Variants in IL12RB2 observed in about 807,000 individuals in gnomAD.
The protein encoded by IL12RB2 is interleukin 12 receptor subunit beta 2.
In IL12RB2, 82 loss-of-function variants were observed where a neutral mutation model predicts 89.4. The observed-to-expected ratio is 0.92, with a 90% CI of 0.77 to 1.10. The LOEUF (loss-of-function observed/expected upper bound fraction) is 1.10, where lower values mean the gene tolerates loss of function less well. Among genes scored for constraint, IL12RB2 ranks in the 50% least tolerant of loss-of-function variants. The probability of loss-of-function intolerance (pLI) is 0.00; values close to 1 mark genes in which losing one functional copy is unlikely to be tolerated. For synonymous variants in IL12RB2, 368 were observed against 370.1 expected, an observed-to-expected ratio of 0.99 and a Z score of 0.07; for missense variants, 963 against 1,031.9, an observed-to-expected ratio of 0.93 and a Z score of 0.92.
At position 67,367,942 on chromosome 1, in the gene IL12RB2, G is replaced by A. The variant is rs1340467783; in HGVS notation, c.1376G>A (p.Arg459Lys). The change falls in exon 11 of 17, where the codon AGA becomes AAA. Residue 459 changes from arginine (R) to lysine (K), a missense_variant. Arg to Lys is a conservative substitution (Grantham distance 26). Transcript: ENST00000674203. ...SAVQEYVVEW[R>K]ELHPGGDTQV... Reference sequence around the variant, plus strand: ...GTTCAGGAGTACGTGGTGGAATGGAGAGAGCTCCATCCAGGGGGTGACACA... The same window carrying A: ...GTTCAGGAGTACGTGGTGGAATGGAAAGAGCTCCATCCAGGGGGTGACACA... 6.2e-7 allele frequency: 1 copy of A among 1,609,414 alleles called. No homozygotes were observed. The highest frequency in any genetic ancestry group is 8.5e-7 in the Non-Finnish European group (1 of 1,175,658).
chr1:67,375,746 A>T (rs1663890827), intron 13 of IL12RB2, among the ~76,000 whole-genome samples: 2 of 152,068 alleles, frequency 1.3e-5, no homozygotes, highest in South Asian at 2.1e-4. Flanking sequence ...GTAATGAGTT[A>T]TATGGGTGGT....
chr1:67,387,859 G>A (rs1257506638), intron 15 of IL12RB2, among the ~76,000 whole-genome samples: 1 of 151,970 alleles, frequency 6.6e-6, no homozygotes, highest in Non-Finnish European at 1.5e-5. Flanking sequence ...ATTAAATTTG[G>A]TTATATATAA....
intron 5 of IL12RB2, among the ~76,000 whole-genome samples, chr1:67,327,177 T>C (rs1413254152): frequency 6.6e-6 from 1 of 151,962 alleles, no homozygotes; most frequent in Non-Finnish European, 1.5e-5. Flanking sequence ...GCCAGGATGG[T>C]CTCGATCTCT....
chr1:67,316,421 A>AGTGTGTGTGTGTGTGTGT lies in IL12RB2; in HGVS notation c.-37+2436_-37+2453dup, dbSNP rs71062410. Among the ~76,000 whole-genome samples the AGTGTGTGTGTGTGTGTGT allele has an allele frequency of 3.0e-3, 445 of 146,242 alleles. 3 individuals are homozygous for AGTGTGTGTGTGTGTGTGT. The highest frequency in any genetic ancestry group is 0.013 in the Admixed American group (183 of 14,578). On this transcript the variant is annotated intron_variant, in intron 2 of 16. Coordinates refer to ENST00000674203, the MANE Select transcript of IL12RB2 (RefSeq NM_001374259.2). ...CTGCATCCACCCTAGTCCCCAGAGT[A>AGTGTGTGTGTGTGTGTGT]GTGTGTGTGTGTGTGTGTGTGTGTG...
rs1477639696 is a variant in IL12RB2, at chr1:67,397,457, C to T, written c.*1368C>T. Among the ~76,000 whole-genome samples, 1 of 152,194 alleles carries T rather than the reference C, an allele frequency of 6.6e-6. No individual in the cohort carries two copies. Among genetic ancestry groups the T allele is most frequent in the Non-Finnish European group, 1.5e-5 (1 of 68,026 alleles). ...CTCAGAAGTGGTCTGTCCCCTGTTC[C>T]CAAAGGCACAGCTTTCATTCCCGGA... On this transcript the variant is annotated 3_prime_UTR_variant, in exon 17 of 17. Transcript: ENST00000674203.
chr1:67,386,430 A>G, intron 14 of IL12RB2, 149 bp from the exon 15 acceptor site: 1 of 705,238 alleles, frequency 1.4e-6, no homozygotes, highest in Non-Finnish European at 2.6e-6. Context: ...CATTTCCCGC[A>G]CTGCATAGAC....
chr1:67,379,839 G>C (rs546275348), intron 13 of IL12RB2, 147 bp from the exon 14 acceptor site: 1 of 678,436 alleles, frequency 1.5e-6, no homozygotes, highest in East Asian at 2.7e-5. Flanking sequence ...AAGGTATTAA[G>C]TACTGAGGAA....
At position 67,386,590 on chromosome 1, in the gene IL12RB2, T is replaced by A. The variant is rs1665176015; in HGVS notation, c.1867T>A (p.Trp623Arg). The A allele has an allele frequency of 6.2e-7, 1 of 1,612,462 alleles. No individual in the cohort carries two copies. The change falls in exon 15 of 17, where the codon TGG becomes AGG. Residue 623 changes from tryptophan to arginine, a missense_variant. Coordinates refer to ENST00000674203, the MANE Select transcript of IL12RB2 (RefSeq NM_001374259.2). ...REFCLQGKAN[W>R]MAFVAPSICI... is the part of the protein sequence containing the mutation. ...TCCTAACTTTTCAGGTAAAGCCAAT[T>A]GGATGGCGTTTGTGGCACCAAGCAT...
chr1:67,309,896 G>A (rs545101106), intron 1 of IL12RB2, among the ~76,000 whole-genome samples: 65 of 152,124 alleles, frequency 4.3e-4, no homozygotes, highest in African/African-American at 1.2e-3. Context: ...GCAGAATGGC[G>A]GGACACGGTG....
chr1:67,335,817 A>G (rs758827448), intron 8 of IL12RB2, among the ~76,000 whole-genome samples: 1 of 152,212 alleles, frequency 6.6e-6, no homozygotes, highest in Non-Finnish European at 1.5e-5. Context: ...CACTTTTTAG[A>G]GACTCATGCA....
Position 67,372,711 on chromosome 1 carries a change from C to A in IL12RB2, c.1645C>A (p.Gln549Lys), listed in dbSNP as rs1663501781. 4 of 1,604,998 alleles carry A rather than the reference C, an allele frequency of 2.5e-6. No individual in the cohort carries two copies. Among genetic ancestry groups the A allele is most frequent in the Non-Finnish European group, 3.4e-6 (4 of 1,171,746 alleles). ...ATGGAACAGCATTCCAGTCCAGGAG[C>A]AAATGGGCTGCCTCCTCCATTATAG... ...ISWNSIPVQE[Q>K]MGCLLHYRIY... Residue 549 changes from glutamine (Q) to lysine (K), a missense_variant, in exon 13 of 17, where the codon CAA becomes AAA. Coordinates refer to ENST00000674203, the MANE Select transcript of IL12RB2 (RefSeq NM_001374259.2).
chr1:67,336,120 A>G (rs1658725153), intron 8 of IL12RB2, among the ~76,000 whole-genome samples: 1 of 152,200 alleles, frequency 6.6e-6, no homozygotes, highest in African/African-American at 2.4e-5. Flanking sequence ...TGTCTGGATT[A>G]TCTAGTTTGT....
intron 10 of IL12RB2, among the ~76,000 whole-genome samples, chr1:67,352,895 G>T (rs80291186): frequency 6.6e-6 from 1 of 152,136 alleles, no homozygotes; most frequent in African/African-American, 2.4e-5. Context: ...TCTTGTACAC[G>T]CTAGTGAGTG....
intron 4 of IL12RB2, among the ~76,000 whole-genome samples, chr1:67,323,722 G>C (rs931835171): frequency 6.6e-5 from 10 of 152,154 alleles, no homozygotes; most frequent in African/African-American, 2.4e-4. Context: ...GGAACTACTG[G>C]AGGCTATGCT....
At position 67,360,177 on chromosome 1, in the gene IL12RB2, G is replaced by A. The variant is rs146387677; in HGVS notation, c.1259-7648G>A. Among the ~76,000 whole-genome samples, 71 of 152,076 alleles carry A rather than the reference G, an allele frequency of 4.7e-4. No homozygotes were observed. In the East Asian group the frequency reaches 0.014, roughly 30 times the overall value. On this transcript the variant is annotated intron_variant, in intron 10 of 16. Coordinates refer to ENST00000674203, the MANE Select transcript of IL12RB2 (RefSeq NM_001374259.2). ...AACACTTTGGGAGGCTGAGGCAGGTGGATCACTAGAGGTCAGGAGTTTGAA... is the reference window on the plus strand; with the variant it reads ...AACACTTTGGGAGGCTGAGGCAGGTAGATCACTAGAGGTCAGGAGTTTGAA...
At chr1:67,317,089 A>G (rs1655874770) in intron 2 of IL12RB2, among the ~76,000 whole-genome samples, 1 of 152,200 alleles carries the variant, frequency 6.6e-6, no homozygotes, top group South Asian at 2.1e-4. Flanking sequence ...CACCCAGTCT[A>G]AAAATAGTGG....
chr1:67,326,334 CT>C, intron 4 of IL12RB2, among the ~76,000 whole-genome samples: 1 of 152,274 alleles, frequency 6.6e-6, no homozygotes, highest in African/African-American at 2.4e-5. Context: ...GAGTAAAAGG[CT>C]TGGACTTGAG....
At chr1:67,371,868 G>C (rs1557458465) in intron 11 of IL12RB2, among the ~76,000 whole-genome samples, 1 of 152,194 alleles carries the variant, frequency 6.6e-6, no homozygotes, top group African/African-American at 2.4e-5. Flanking sequence ...AGAGCACCCT[G>C]GTTAGTTATG....
chr1:67,307,720 C>T (rs376837149), upstream of IL12RB2: 16 of 152,372 alleles, frequency 1.1e-4, no homozygotes, highest in East Asian at 1.2e-3. Flanking sequence ...CGAGTCCTCT[C>T]CGCCCTGCGG....
Sources: allele counts gnomAD v4.1 joint callset (sites outside exome capture counted in the v4.1 genomes callset), GRCh38; gene constraint gnomAD v4.1.1; transcripts MANE v1.5; gene names NCBI Gene and HGNC (gene_info 2026-07-23, HGNC 2026-07-21).